Variants in TXNRD1 observed in about 807,000 individuals in gnomAD.
The protein encoded by TXNRD1 is thioredoxin reductase 1.
A neutral mutation model predicts 80.3 loss-of-function variants in TXNRD1; 57 were observed. The ratio of observed to expected loss-of-function variants is 0.71; its 90% confidence interval spans 0.57 to 0.89. The LOEUF is 0.89. TXNRD1 is among the 40% of genes least tolerant of loss of function. The pLI, the probability that TXNRD1 is intolerant of heterozygous loss-of-function variation, is 0.00. For synonymous variants in TXNRD1, 291 were observed against 285.2 expected (o/e 1.02, Z -0.20); for missense variants, 730 against 803.0 (o/e 0.91, Z 1.10).
At chr12:104,288,817 G>T (rs747515653) in intron 3 of TXNRD1, 114 bp from the exon 4 acceptor site, 22 of 1,606,090 alleles carry the variant, frequency 1.4e-5, no homozygotes, top group Non-Finnish European at 1.9e-5. Context: ...GGAGTCAACA[G>T]AGGGCACGCG....
intron 3 of TXNRD1, among the ~76,000 whole-genome samples, chr12:104,285,770 G>T (rs2033957759): frequency 6.6e-6 from 1 of 152,136 alleles, no homozygotes; most frequent in Admixed American, 6.5e-5. Flanking sequence ...GGAGCCAGGA[G>T]TAAATGTTTT....
chr12:104,233,113 C>T (rs7958262), intron 1 of TXNRD1, among the ~76,000 whole-genome samples: 100,082 of 152,094 alleles, frequency 0.66, 33,445 homozygotes, highest in Non-Finnish European at 0.72. Flanking sequence ...TCAGACATGT[C>T]TGAGCAGGTT....
chr12:104,328,476 G>T (rs1372744803), intron 13 of TXNRD1, among the ~76,000 whole-genome samples: 1 of 152,096 alleles, frequency 6.6e-6, no homozygotes. Flanking sequence ...TGTCTTAGAG[G>T]CCAGGTGCGT....
chr12:104,241,615 G>A (rs1366309341), intron 1 of TXNRD1, among the ~76,000 whole-genome samples: 1 of 152,134 alleles, frequency 6.6e-6, no homozygotes, highest in Non-Finnish European at 1.5e-5. Context: ...TGATTTGCCC[G>A]CCTCAGCCTC....
At chr12:104,292,432 G>A (rs2034257418) in intron 4 of TXNRD1, among the ~76,000 whole-genome samples, 1 of 144,578 alleles carries the variant, frequency 6.9e-6, no homozygotes, top group Admixed American at 7.0e-5. Context: ...CTTGTTGCCT[G>A]GGCTGGAGTG....
chr12:104,237,647 AT>A (rs757559575), intron 1 of TXNRD1, among the ~76,000 whole-genome samples: 2 of 152,216 alleles, frequency 1.3e-5, no homozygotes, highest in Non-Finnish European at 2.9e-5. Context: ...AGTGCTGAAT[AT>A]TCTGTCTGTG....
intron 3 of TXNRD1, among the ~76,000 whole-genome samples, chr12:104,264,325 G>A (rs997586217): frequency 6.6e-6 from 1 of 152,176 alleles, no homozygotes; most frequent in Admixed American, 6.5e-5. Context: ...AAGCAACTTA[G>A]AAAACATCAT....
intron 1 of TXNRD1, among the ~76,000 whole-genome samples, chr12:104,222,586 C>T (rs932198980): frequency 6.6e-6 from 1 of 152,212 alleles, no homozygotes; most frequent in Admixed American, 6.5e-5. Context: ...GATGCAGTGG[C>T]TCATGCCTGT....
chr12:104,306,300 C>CT (rs1238095944), intron 4 of TXNRD1, among the ~76,000 whole-genome samples: 1 of 152,098 alleles, frequency 6.6e-6, no homozygotes, highest in Admixed American at 6.6e-5. Context: ...GCCATAAAGG[C>CT]TTTTTTCTTT....
intron 1 of TXNRD1, among the ~76,000 whole-genome samples, chr12:104,216,180 A>T (rs551672019): frequency 6.6e-6 from 1 of 152,314 alleles, no homozygotes; most frequent in South Asian, 2.1e-4. Flanking sequence ...ACCTGTCGGA[A>T]ACCGAACCGA....
intron 4 of TXNRD1, among the ~76,000 whole-genome samples, chr12:104,290,139 C>A (rs1316328360): frequency 6.6e-6 from 1 of 152,054 alleles, no homozygotes; most frequent in Non-Finnish European, 1.5e-5. Context: ...CTAACGCCTG[C>A]GTTAAATGTA....
At chr12:104,256,776 CA>C (rs71069738) in intron 2 of TXNRD1, among the ~76,000 whole-genome samples, 161 of 119,006 alleles carry the variant, frequency 1.4e-3, no homozygotes, top group Non-Finnish European at 2.1e-3. Flanking sequence ...GACTCTGTCT[CA>C]AAAAAAAAAA....
chr12:104,291,559 C>G (rs2034217840), intron 4 of TXNRD1, among the ~76,000 whole-genome samples: 1 of 148,790 alleles, frequency 6.7e-6, no homozygotes, highest in Admixed American at 6.8e-5. Flanking sequence ...TCTTGGCTCA[C>G]TGCAACCTCT....
intron 1 of TXNRD1, among the ~76,000 whole-genome samples, chr12:104,247,348 G>T: frequency 6.6e-6 from 1 of 152,192 alleles, no homozygotes; most frequent in East Asian, 1.9e-4. Flanking sequence ...GATTACAGGT[G>T]TGAGCCACCA....
chr12:104,297,494 T>C (rs2034474401), intron 4 of TXNRD1, among the ~76,000 whole-genome samples: 1 of 151,926 alleles, frequency 6.6e-6, no homozygotes, highest in South Asian at 2.1e-4. Flanking sequence ...GTCTCCCGAG[T>C]AGCTGGGATT....
chr12:104,346,213 A>G (rs578208454), intron 16 of TXNRD1: 17 of 245,644 alleles, frequency 6.9e-5, no homozygotes, highest in Admixed American at 9.4e-5. Context: ...GGGTCGCATT[A>G]TGTTGCCCAG....
chr12:104,293,595 C>T (rs965134445), intron 4 of TXNRD1, among the ~76,000 whole-genome samples: 5 of 152,134 alleles, frequency 3.3e-5, no homozygotes, highest in African/African-American at 4.8e-5. Flanking sequence ...GAACTACAAG[C>T]GCACACCACC....
chr12:104,342,482 A>G (rs1161185677), intron 16 of TXNRD1, among the ~76,000 whole-genome samples: 1 of 152,192 alleles, frequency 6.6e-6, no homozygotes, highest in African/African-American at 2.4e-5. Flanking sequence ...ATGTTGGGGC[A>G]GGATGATTCT....
intron 15 of TXNRD1, among the ~76,000 whole-genome samples, chr12:104,337,013 C>T (rs1006431799): frequency 6.7e-6 from 1 of 149,840 alleles, no homozygotes. Context: ...GGGTCTCATG[C>T]TTACGTTCTT....
Sources: allele counts gnomAD v4.1 joint callset (sites outside exome capture counted in the v4.1 genomes callset), GRCh38; gene constraint gnomAD v4.1.1; transcripts MANE v1.5; gene names NCBI Gene and HGNC (gene_info 2026-07-23, HGNC 2026-07-21).